Variants in MTX2 observed in about 807,000 individuals in gnomAD.
The protein encoded by MTX2 is metaxin-2.
MTX2 carries 35 observed loss-of-function variants against 42.3 expected under a neutral mutation model. The observed-to-expected ratio is 0.83, with a 90% CI of 0.63 to 1.10. The LOEUF is 1.10. MTX2 is among the 50% of genes least tolerant of loss of function. The probability of loss-of-function intolerance (pLI) is 0.00; values close to 1 mark genes in which losing one functional copy is unlikely to be tolerated. For missense variants in MTX2, 307 were observed against 304.1 expected, an observed-to-expected ratio of 1.01 and a Z score of -0.07; for synonymous variants, 119 against 100.9, an observed-to-expected ratio of 1.18 and a Z score of -1.08.
At chr2:176,312,157 A>T (rs574350610) in intron 3 of MTX2, among the ~76,000 whole-genome samples, 8 of 152,356 alleles carry the variant, frequency 5.3e-5, no homozygotes, top group Admixed American at 6.5e-5. Context: ...ACTTAACAAG[A>T]GTTACATCTA....
chr2:176,303,867 C>A (rs1343966434), intron 3 of MTX2, among the ~76,000 whole-genome samples: 1 of 151,832 alleles, frequency 6.6e-6, no homozygotes, highest in South Asian at 2.1e-4. Context: ...TTTAACTTAA[C>A]GAAAATTCAC....
At chr2:176,337,189 G>A (rs1685010745) in intron 9 of MTX2, among the ~76,000 whole-genome samples, 1 of 152,018 alleles carries the variant, frequency 6.6e-6, no homozygotes, top group Non-Finnish European at 1.5e-5. Flanking sequence ...CTATAGCCAA[G>A]CACCACCATG....
At chr2:176,326,999 A>C in intron 5 of MTX2, 98 bp downstream of exon 5, 2 of 682,052 alleles carry the variant, frequency 2.9e-6, no homozygotes, top group Admixed American at 6.5e-5. Flanking sequence ...CTAGTTTTAT[A>C]AAATGCCAAT....
chr2:176,331,960 C>G (rs116120706), intron 9 of MTX2, among the ~76,000 whole-genome samples: 1,524 of 151,244 alleles, frequency 0.01, 20 homozygotes, highest in African/African-American at 0.035. Flanking sequence ...AACTCATTGT[C>G]ATTGTGTTAG....
intron 4 of MTX2, among the ~76,000 whole-genome samples, chr2:176,324,231 G>A (rs1684657442): frequency 6.6e-6 from 1 of 151,232 alleles, no homozygotes. Flanking sequence ...TGCTTTTTAG[G>A]GAGACATTTT....
intron 3 of MTX2, among the ~76,000 whole-genome samples, chr2:176,303,347 A>G (rs952648998): frequency 2.0e-5 from 3 of 152,242 alleles, no homozygotes; most frequent in African/African-American, 4.8e-5. Flanking sequence ...ATTCACTTTC[A>G]GGATTAGATG....
chr2:176,293,002 A>G (rs1281541672), intron 1 of MTX2, among the ~76,000 whole-genome samples: 1 of 152,196 alleles, frequency 6.6e-6, no homozygotes, highest in East Asian at 1.9e-4. Flanking sequence ...ATACAAAACT[A>G]TGTGTAGTTC....
At chr2:176,328,585 A>G (rs1684777411) in intron 6 of MTX2, among the ~76,000 whole-genome samples, 200 bp downstream of exon 6, 2 of 151,252 alleles carry the variant, frequency 1.3e-5, no homozygotes, top group South Asian at 4.1e-4. Flanking sequence ...TCTGTTTATA[A>G]AAAGGAGTGA....
intron 8 of MTX2, among the ~76,000 whole-genome samples, chr2:176,330,000 A>T (rs1470743794): frequency 6.6e-6 from 1 of 151,096 alleles, no homozygotes; most frequent in Non-Finnish European, 1.5e-5. Flanking sequence ...TAAGTTAATT[A>T]ATGCCCGTCT....
intron 3 of MTX2, among the ~76,000 whole-genome samples, chr2:176,311,322 A>G (rs1031459198): frequency 6.6e-6 from 1 of 152,088 alleles, no homozygotes; most frequent in Non-Finnish European, 1.5e-5. Context: ...TTCGGCCCTT[A>G]CTGGGAGGTG....
intron 9 of MTX2, among the ~76,000 whole-genome samples, chr2:176,333,073 A>G (rs992836825): frequency 6.6e-6 from 1 of 151,542 alleles, no homozygotes; most frequent in African/African-American, 2.4e-5. Context: ...GGAATGTGGA[A>G]AGAATAATAA....
At chr2:176,289,308 T>C (rs1693275742) in intron 1 of MTX2, among the ~76,000 whole-genome samples, 1 of 152,082 alleles carries the variant, frequency 6.6e-6, no homozygotes, top group Non-Finnish European at 1.5e-5. Flanking sequence ...TTGATTTTAC[T>C]TTGTTCTCCA....
At chr2:176,279,874 G>A (rs933939593) in intron 1 of MTX2, among the ~76,000 whole-genome samples, 5 of 151,978 alleles carry the variant, frequency 3.3e-5, no homozygotes, top group African/African-American at 1.2e-4. Flanking sequence ...ATTTAGAAAC[G>A]GTGCTAATGT....
At chr2:176,320,572 A>G (rs2105437313) in intron 3 of MTX2, among the ~76,000 whole-genome samples, 1 of 152,166 alleles carries the variant, frequency 6.6e-6, no homozygotes, top group South Asian at 2.1e-4. Context: ...GTTCTTTCTT[A>G]TCAACTTTCA....
In MTX2 at chr2:176,292,100, A is replaced by G. The variant is rs531136409; in HGVS notation, c.41-4760A>G. On this transcript the variant is annotated intron_variant, in intron 1 of 9. Coordinates refer to ENST00000249442, the MANE Select transcript of MTX2 (RefSeq NM_006554.5). Reference sequence around the variant, plus strand: ...ACTTGCACTTTGACAGCATTGGACAACTTTCTTCCTCAGCCTCCATTTCTT... The same window carrying G: ...ACTTGCACTTTGACAGCATTGGACAGCTTTCTTCCTCAGCCTCCATTTCTT... Among the ~76,000 whole-genome samples, 17 of 152,284 alleles carry G rather than the reference A, an allele frequency of 1.1e-4. No homozygotes were observed. In the South Asian group the frequency reaches 3.5e-3, roughly 32 times the overall value.
At chr2:176,278,041 GTTTTTTTTTTTTTTTTT>G (rs59379339) in intron 1 of MTX2, among the ~76,000 whole-genome samples, 2 of 84,842 alleles carry the variant, frequency 2.4e-5, no homozygotes, top group African/African-American at 5.5e-5. Context: ...GTTGAAACTG[GTTTTTTTTTTTTTTTTT>G]TTTTTTTTTT....
intron 3 of MTX2, among the ~76,000 whole-genome samples, chr2:176,301,245 C>G (rs1187521637): frequency 6.6e-6 from 1 of 152,100 alleles, no homozygotes; most frequent in Admixed American, 6.6e-5. Flanking sequence ...TCCCATGACC[C>G]TAGTGCACAG....
At position 176,278,041 on chromosome 2, in the gene MTX2, GTTTTTTTTTT is replaced by G. The variant is rs59379339; in HGVS notation, c.40+8390_40+8399del. ...TGTATTGCTGAATAGGTTGAAACTG[GTTTTTTTTTT>G]TTTTTTTTTTTTTTTTTGAGATGGA... On this transcript the variant is annotated intron_variant, in intron 1 of 9. Coordinates refer to ENST00000249442, the MANE Select transcript of MTX2 (RefSeq NM_006554.5). Among the ~76,000 whole-genome samples the G allele has an allele frequency of 1.6e-3, 138 of 84,846 alleles. 2 individuals are homozygous for G. Among genetic ancestry groups the G allele is most frequent in the African/African-American group, 6.6e-3 (120 of 18,282 alleles). The allele number at this position is 84,846 out of a possible 152,430, so 55.7% of individuals were successfully genotyped here.
chr2:176,335,008 T>C (rs1354852362), intron 9 of MTX2, among the ~76,000 whole-genome samples: 1 of 151,614 alleles, frequency 6.6e-6, no homozygotes, highest in Non-Finnish European at 1.5e-5. Flanking sequence ...AGGTCCTTTC[T>C]CTACAGGACT....
Sources: allele counts gnomAD v4.1 joint callset (sites outside exome capture counted in the v4.1 genomes callset), GRCh38; gene constraint gnomAD v4.1.1; transcripts MANE v1.5; gene names NCBI Gene and HGNC (gene_info 2026-07-23, HGNC 2026-07-21).